The following LRBA variants were observed in gnomAD, a reference collection of about 807,000 sequenced individuals.
The protein encoded by LRBA is lipopolysaccharide-responsive and beige-like anchor protein.
A neutral mutation model predicts 330.0 loss-of-function variants in LRBA; 176 were observed. The ratio of observed to expected loss-of-function variants is 0.53; its 90% CI spans 0.47 to 0.60. LRBA has a LOEUF of 0.60. LRBA is among the 20% of genes least tolerant of loss of function. The probability of loss-of-function intolerance (pLI) is 0.00; values close to 1 mark genes in which losing one functional copy is unlikely to be tolerated. For missense variants in LRBA, 3,259 were observed against 3,444.8 expected (o/e 0.95, Z 1.35); for synonymous variants, 1,230 against 1,193.0 (o/e 1.03, Z -0.64).
intron 44 of LRBA, among the ~76,000 whole-genome samples, chr4:150,463,847 G>A (rs955818111): frequency 9.2e-5 from 14 of 151,796 alleles, no homozygotes. Context: ...ATGTCCTGGA[G>A]GCTTCCTTCT....
At chr4:150,339,728 G>A (rs1455040203) in intron 48 of LRBA, among the ~76,000 whole-genome samples, 1 of 151,486 alleles carries the variant, frequency 6.6e-6, no homozygotes, top group Non-Finnish European at 1.5e-5. Context: ...TTCTTCCATG[G>A]TAATACATAT....
chr4:150,641,095 T>A lies in LRBA; in HGVS notation c.5922-41964A>T, dbSNP rs144995566. ...ATCTTTTGTCCGTCTGGAATTCACATACTGTGTGACATCCTACTCTAGACC... is the reference window on the plus strand; with the variant it reads ...ATCTTTTGTCCGTCTGGAATTCACAAACTGTGTGACATCCTACTCTAGACC... On this transcript the variant is annotated intron_variant, in intron 37 of 56. Coordinates refer to ENST00000651943, the MANE Select transcript of LRBA (RefSeq NM_001364905.1). Among the ~76,000 whole-genome samples the A allele has an allele frequency of 4.1e-3, 631 of 152,286 alleles. 5 individuals carry two copies. Among genetic ancestry groups the A allele is most frequent in the African/African-American group, 0.015 (610 of 41,586 alleles).
intron 2 of LRBA, among the ~76,000 whole-genome samples, chr4:150,944,370 T>C (rs17027213): frequency 0.012 from 1,798 of 152,306 alleles, 31 homozygotes; most frequent in African/African-American, 0.041. Context: ...GTCAGCTACA[T>C]AGGCACTTTA....
chr4:150,907,839 G>C (rs753252405), intron 11 of LRBA, among the ~76,000 whole-genome samples: 66 of 151,842 alleles, frequency 4.3e-4, no homozygotes, highest in Non-Finnish European at 7.1e-4. Context: ...TGTGCTAAAT[G>C]TACAATCTAA....
rs1341331645 is a variant in LRBA, at chr4:151,014,668, CAG to C, written c.-28_-27del. 3 of 1,526,140 alleles carry C rather than the reference CAG, an allele frequency of 2.0e-6. No individual in the cohort carries two copies. The highest frequency in any genetic ancestry group is 4.6e-5 in the East Asian group (2 of 43,584). The allele number at this position is 1,526,140 out of a possible 1,614,324, so 94.5% of individuals were successfully genotyped here. A position where few individuals can be genotyped will look rare whatever the true frequency, so the allele number is the denominator to read the frequency against. On this transcript the variant is annotated 5_prime_UTR_variant, in exon 2 of 57. Transcript: ENST00000651943. ...TGCTAGCTCACGATAAAGGACAACTCAGAGTCACCCTGGGACGGCAGTCGCTG... is the reference window on the plus strand; with the variant it reads ...TGCTAGCTCACGATAAAGGACAACTCAGTCACCCTGGGACGGCAGTCGCTG...
At chr4:150,948,275 G>T (rs1342536418) in intron 2 of LRBA, among the ~76,000 whole-genome samples, 1 of 151,870 alleles carries the variant, frequency 6.6e-6, no homozygotes, top group Non-Finnish European at 1.5e-5. Flanking sequence ...CTGGTGGAGG[G>T]GCAGACACAT....
At chr4:150,315,070 T>C (rs546383638) in intron 51 of LRBA, 1 of 177,532 alleles carries the variant, frequency 5.6e-6, no homozygotes, top group East Asian at 1.8e-4. Context: ...ACAGAAGGTC[T>C]AGGAAGAAAG....
intron 47 of LRBA, among the ~76,000 whole-genome samples, chr4:150,370,816 G>GT (rs1385535307): frequency 6.6e-6 from 1 of 152,138 alleles, no homozygotes; most frequent in East Asian, 1.9e-4. Context: ...CAAATTTTCT[G>GT]TAAGACTAAA....
chr4:150,849,158 G>T (rs956011201), intron 25 of LRBA, among the ~76,000 whole-genome samples, 160 bp from the exon 26 acceptor site: 3 of 152,034 alleles, frequency 2.0e-5, no homozygotes, highest in Admixed American at 6.6e-5. Flanking sequence ...AAAGGGTGGG[G>T]GATGAGGAGG....
intron 39 of LRBA, 107 bp downstream of exon 39, chr4:150,590,606 T>G (rs1221426970): frequency 2.3e-6 from 2 of 879,430 alleles, no homozygotes; most frequent in Non-Finnish European, 3.6e-6. Flanking sequence ...TTAATGTAAT[T>G]GTGGGTATAA....
intron 40 of LRBA, among the ~76,000 whole-genome samples, chr4:150,509,730 C>T (rs1761611339): frequency 6.6e-6 from 1 of 151,564 alleles, no homozygotes; most frequent in South Asian, 2.1e-4. Context: ...ACAGGAATTA[C>T]CAATATTAGG....
chr4:150,286,016 C>A lies in LRBA; in HGVS notation c.8036G>T (p.Arg2679Leu). Residue 2679 changes from arginine to leucine, a missense_variant, in exon 54 of 57, where the codon CGG becomes CTG. Physicochemically the swap from Arg to Leu is moderately radical, Grantham distance 102 (BLOSUM62 -2). Coordinates refer to ENST00000651943, the MANE Select transcript of LRBA (RefSeq NM_001364905.1). ...ATAGTCATGGCCGGTCAAAATGGCC[C>A]GAGGAGCAGCAGTCTCACCTTTAGG... ...DNPGSETAAP[R>L]AILTGHDYEV... 1 of 1,580,018 alleles carries A rather than the reference C, an allele frequency of 6.3e-7. No individual in the cohort carries two copies. Among genetic ancestry groups the A allele is most frequent in the Non-Finnish European group, 8.6e-7 (1 of 1,162,726 alleles).
chr4:150,487,150 C>A (rs1259030693), intron 42 of LRBA, among the ~76,000 whole-genome samples: 1 of 151,438 alleles, frequency 6.6e-6, no homozygotes, highest in African/African-American at 2.4e-5. Context: ...TAGATATATA[C>A]CCAGTAGTGG....
In LRBA at chr4:150,568,546, T is replaced by C. The variant is rs1464130393; in HGVS notation, c.6330+19502A>G. Among the ~76,000 whole-genome samples the C allele has an allele frequency of 2.0e-5, 3 of 152,152 alleles. No homozygotes were observed. In the South Asian group the frequency reaches 6.2e-4, roughly 32 times the overall value. On this transcript the variant is annotated intron_variant, in intron 40 of 56. Coordinates refer to ENST00000651943, the MANE Select transcript of LRBA (RefSeq NM_001364905.1). ...TAAGGAAACATTAAGATGAGGACTA[T>C]ACCTGGTTTGAAGAGAAAAACTTTA...
At chr4:150,985,330 C>T (rs544247579) in intron 2 of LRBA, among the ~76,000 whole-genome samples, 64 of 150,688 alleles carry the variant, frequency 4.2e-4, no homozygotes, top group African/African-American at 1.3e-3. Flanking sequence ...TAAAATAAGA[C>T]CTATGAGAAA....
chr4:150,721,886 G>A (rs541200754), intron 36 of LRBA, among the ~76,000 whole-genome samples: 2 of 152,296 alleles, frequency 1.3e-5, no homozygotes, highest in East Asian at 3.9e-4. Context: ...CAAAGTGCTG[G>A]AATTATAGGT....
chr4:150,489,687 AATATATTATATATT>A (rs1287228169), intron 41 of LRBA, among the ~76,000 whole-genome samples: 2 of 129,248 alleles, frequency 1.5e-5, no homozygotes, highest in African/African-American at 2.9e-5. Flanking sequence ...TATATATAAG[AATATATTATATATT>A]ATATATTATA....
At chr4:150,393,678 G>A (rs1037517945) in intron 47 of LRBA, among the ~76,000 whole-genome samples, 5 of 152,080 alleles carry the variant, frequency 3.3e-5, no homozygotes, top group Non-Finnish European at 5.9e-5. Context: ...TAGAGATGGG[G>A]TCTTGGGATG....
intron 2 of LRBA, among the ~76,000 whole-genome samples, chr4:151,006,032 A>G (rs1473928066): frequency 6.6e-6 from 1 of 152,232 alleles, no homozygotes; most frequent in Non-Finnish European, 1.5e-5. Flanking sequence ...GGTTTTAACA[A>G]TATATCTTTT....
Sources: gnomAD v4.1 joint callset for allele counts (sites outside exome capture counted in the v4.1 genomes callset) on GRCh38, gnomAD v4.1.1 for gene constraint, MANE v1.5 for transcripts, NCBI Gene and HGNC (gene_info 2026-07-23, HGNC 2026-07-21) for gene names.